The following YAP1 variants were observed in gnomAD, a reference collection of about 807,000 sequenced individuals.
YAP1 encodes Yes1 associated transcriptional regulator.
Under a neutral mutation model 56.9 loss-of-function variants are expected in YAP1, and 5 were observed. That is an observed-to-expected ratio of 0.09 (90% CI 0.05 to 0.18). The LOEUF (loss-of-function observed/expected upper bound fraction) is 0.18, where lower values mean the gene tolerates loss of function less well. Among genes scored for constraint, YAP1 ranks in the 10% least tolerant of loss-of-function variants. The pLI, the probability that YAP1 is intolerant of heterozygous loss-of-function variation, is 1.00. For missense variants in YAP1, 539 were observed against 651.8 expected (o/e 0.83, Z 1.88); for synonymous variants, 265 against 248.1 (o/e 1.07, Z -0.64).
At chr11:102,111,768 A>G (rs1942936318) in intron 1 of YAP1, among the ~76,000 whole-genome samples, 1 of 152,002 alleles carries the variant, frequency 6.6e-6, no homozygotes, top group African/African-American at 2.4e-5. Flanking sequence ...AGTGTTGATT[A>G]GAGGTGGGGG....
intron 6 of YAP1, among the ~76,000 whole-genome samples, chr11:102,217,444 G>T (rs528383733): frequency 6.6e-6 from 1 of 152,184 alleles, no homozygotes; most frequent in South Asian, 2.1e-4. Flanking sequence ...CCTATCAACA[G>T]ATGAATAAAC....
At chr11:102,169,714 A>G (rs1946798145) in intron 3 of YAP1, among the ~76,000 whole-genome samples, 1 of 152,222 alleles carries the variant, frequency 6.6e-6, no homozygotes, top group Admixed American at 6.5e-5. Context: ...ATGGCCCTAT[A>G]AAATGGAAAA....
rs954142507 is a variant in YAP1 at position 102,162,585 on chromosome 11, T to C, written c.688+14T>C. ...ACTCGGCTTCAGGTGAGTGAGACAC[T>C]GTAATTACAGCACATGGAGTAATGC... On this transcript the variant is annotated intron_variant, in intron 3 of 8. Coordinates refer to ENST00000282441, the MANE Select transcript of YAP1 (RefSeq NM_001130145.3). 2 of 1,609,456 alleles carry C rather than the reference T, an allele frequency of 1.2e-6. No homozygotes were observed. The highest frequency in any genetic ancestry group is 1.3e-5 in the African/African-American group (1 of 74,956).
intron 4 of YAP1, 65 bp from the exon 5 acceptor site, chr11:102,205,823 TAATTA>T: frequency 7.1e-7 from 1 of 1,404,018 alleles, no homozygotes; most frequent in Non-Finnish European, 9.3e-7. Context: ...TGCTTTTGAA[TAATTA>T]AATCATCATT....
intron 3 of YAP1, among the ~76,000 whole-genome samples, chr11:102,178,690 T>C (rs756389174): frequency 4.6e-5 from 7 of 152,236 alleles, no homozygotes; most frequent in South Asian, 2.1e-4. Flanking sequence ...TTATTTTATA[T>C]ATTGCCTACT....
At chr11:102,130,710 G>T (rs945915953) in intron 2 of YAP1, among the ~76,000 whole-genome samples, 2 of 139,304 alleles carry the variant, frequency 1.4e-5, no homozygotes, top group African/African-American at 5.3e-5. Flanking sequence ...ACCTCTCCTG[G>T]ATAACTACTC....
chr11:102,175,001 G>C (rs986928941), intron 3 of YAP1, among the ~76,000 whole-genome samples: 4 of 152,188 alleles, frequency 2.6e-5, no homozygotes, highest in African/African-American at 7.2e-5. Context: ...GGATTCATCA[G>C]CGTGTTCTAG....
chr11:102,113,769 C>T lies in YAP1; in HGVS notation c.322-375C>T, dbSNP rs187531750. Among the ~76,000 whole-genome samples the T allele has an allele frequency of 1.1e-3, 165 of 152,106 alleles. 2 individuals carry two copies. In the East Asian group the frequency reaches 0.018, roughly 17 times the overall value. ...CTTTGTGTTGTGTTTATACTTAGAA[C>T]ATTTTAGAACTTGGAAAAGCACCCA... On this transcript the variant is annotated intron_variant, in intron 1 of 8. Transcript: ENST00000282441.
Position 102,205,918 on chromosome 11 carries a change from T to C in YAP1, c.828T>C (p.Ser276=), listed in dbSNP as rs1253437328. The part of the protein sequence containing the change: ...RFAMNQRISQ[S]APVKQPPPLA... The stretch of plus-strand genomic sequence containing the variant: ...CCATGAACCAGAGAATCAGTCAGAG[T>C]GCTCCAGTGAAACAGCCACCACCCC... Residue 276 remains serine (S), a synonymous_variant, in exon 5 of 9, where the codon AGT becomes AGC. Coordinates refer to ENST00000282441, the MANE Select transcript of YAP1 (RefSeq NM_001130145.3). 6.3e-7 allele frequency: 1 copy of C among 1,595,764 alleles called. No homozygotes were observed. Among genetic ancestry groups the C allele is most frequent in the Non-Finnish European group, 8.5e-7 (1 of 1,170,448 alleles).
chr11:102,158,560 C>T (rs1210698270), intron 2 of YAP1, among the ~76,000 whole-genome samples: 1 of 152,072 alleles, frequency 6.6e-6, no homozygotes, highest in Non-Finnish European at 1.5e-5. Context: ...TGCTGCTGGC[C>T]CAAGGCCCAC....
chr11:102,132,557 T>C (rs1433739149), intron 2 of YAP1, among the ~76,000 whole-genome samples: 6 of 152,222 alleles, frequency 3.9e-5, no homozygotes, highest in Non-Finnish European at 7.3e-5. Context: ...TTAACTATAA[T>C]TGTATCCTGT....
intron 3 of YAP1, 100 bp downstream of exon 3, chr11:102,162,671 A>T: frequency 8.8e-7 from 1 of 1,137,554 alleles, no homozygotes; most frequent in Non-Finnish European, 1.3e-6. Flanking sequence ...AAACTGGGAC[A>T]TGGTGATGTT....
At chr11:102,189,572 T>A (rs1193952104) in intron 4 of YAP1, among the ~76,000 whole-genome samples, 1 of 152,114 alleles carries the variant, frequency 6.6e-6, no homozygotes, top group African/African-American at 2.4e-5. Flanking sequence ...TAATGAACAG[T>A]CCAGAGTGAC....
intron 1 of YAP1, among the ~76,000 whole-genome samples, chr11:102,111,839 C>T (rs146560452): frequency 6.6e-6 from 1 of 152,084 alleles, no homozygotes; most frequent in South Asian, 2.1e-4. Flanking sequence ...TTTCCCCTCC[C>T]CCTCCCGTAA....
chr11:102,172,854 T>A (rs946835078), intron 3 of YAP1, among the ~76,000 whole-genome samples: 5 of 152,016 alleles, frequency 3.3e-5, no homozygotes, highest in African/African-American at 1.2e-4. Flanking sequence ...GTGAGAGCCA[T>A]GTGAATATCT....
At chr11:102,140,347 C>A (rs1944941497) in intron 2 of YAP1, among the ~76,000 whole-genome samples, 1 of 152,068 alleles carries the variant, frequency 6.6e-6, no homozygotes, top group South Asian at 2.1e-4. Flanking sequence ...GGATTGAAAT[C>A]TACTCTAAAT....
At chr11:102,209,708 TCAGG>T in intron 6 of YAP1, 144 bp downstream of exon 6, 1 of 738,848 alleles carries the variant, frequency 1.4e-6, no homozygotes, top group Non-Finnish European at 2.0e-6. Flanking sequence ...ACCAAGATAC[TCAGG>T]TTAACATTGC....
chr11:102,157,781 G>C (rs1359851312), intron 2 of YAP1, among the ~76,000 whole-genome samples: 1 of 152,012 alleles, frequency 6.6e-6, no homozygotes, highest in Non-Finnish European at 1.5e-5. Context: ...TGTTATCTTT[G>C]TTCACTTTTA....
intron 2 of YAP1, among the ~76,000 whole-genome samples, chr11:102,125,378 C>CTT (rs141361882): frequency 2.8e-4 from 32 of 115,314 alleles, no homozygotes; most frequent in African/African-American, 8.5e-4. Flanking sequence ...CTTTTCTTTT[C>CTT]TTTTTTTTTT....
Sources: allele counts gnomAD v4.1 joint callset (sites outside exome capture counted in the v4.1 genomes callset), GRCh38; gene constraint gnomAD v4.1.1; transcripts MANE v1.5; gene names NCBI Gene and HGNC (gene_info 2026-07-23, HGNC 2026-07-21).